Variants in FAM153A observed in about 807,000 individuals in gnomAD.
The protein encoded by FAM153A is family with sequence similarity 153 member A, also known as protein FAM153A.
FAM153A carries 12 observed loss-of-function variants against 48.1 expected under a neutral mutation model. The observed-to-expected ratio is 0.25, with a 90% confidence interval of 0.16 to 0.40. The LOEUF (loss-of-function observed/expected upper bound fraction) is 0.40. Ranked by LOEUF, FAM153A falls within the 10% of genes least tolerant of loss-of-function variation. FAM153A has a pLI of 1.00. For synonymous variants in FAM153A, 36 were observed against 118.2 expected, an observed-to-expected ratio of 0.30 and a Z score of 4.51; for missense variants, 111 against 345.8, an observed-to-expected ratio of 0.32 and a Z score of 5.38.
chr5:177,708,515 T>G (rs932087830), downstream of FAM153A, among the ~76,000 whole-genome samples: 1 of 151,668 alleles, frequency 6.6e-6, no homozygotes, highest in African/African-American at 2.4e-5. Context: ...AGGCGGAGGT[T>G]GCGGTGAGCA....
downstream of FAM153A, among the ~76,000 whole-genome samples, chr5:177,717,475 G>A (rs556783021): frequency 1.2e-3 from 179 of 150,428 alleles, 1 homozygote; most frequent in African/African-American, 1.8e-3. Flanking sequence ...AAGAGGCTTC[G>A]GCAATGATGC....
In FAM153A at chr5:177,739,149, G is replaced by A. The variant is rs1289703050; in HGVS notation, c.538-12C>T. The A allele has an allele frequency of 1.2e-6, 2 of 1,612,470 alleles. No individual in the cohort carries two copies. The highest frequency in any genetic ancestry group is 8.5e-7 in the Non-Finnish European group (1 of 1,179,930). On this transcript the variant is annotated splice_polypyrimidine_tract_variant and intron_variant, in intron 9 of 20. Coordinates refer to ENST00000614127, the Ensembl canonical transcript of FAM153A. ...GTGCCTGCGTCTGCCTGCGTTTAGA[G>A]AAAGAAAAACACCATGAGGGTAAGA...
downstream of FAM153A, among the ~76,000 whole-genome samples, chr5:177,707,520 C>G (rs959528687): frequency 1.3e-5 from 2 of 151,732 alleles, no homozygotes; most frequent in African/African-American, 2.4e-5. Context: ...TTCAAAGATA[C>G]AATGAAAGAA....
intron 10 of FAM153A, among the ~76,000 whole-genome samples, chr5:177,737,671 T>A (rs1764891557): frequency 1.3e-5 from 2 of 151,358 alleles, no homozygotes; most frequent in South Asian, 4.2e-4. Flanking sequence ...TAGGCATGCA[T>A]CACCATGCCC....
downstream of FAM153A, among the ~76,000 whole-genome samples, chr5:177,704,561 A>T (rs1288150118): frequency 4.2e-4 from 55 of 131,052 alleles, no homozygotes; most frequent in East Asian, 2.3e-3. Context: ...AGGTGATTGG[A>T]CCATGGAGGC....
At chr5:177,737,373 C>T (rs1479277530) in intron 10 of FAM153A, among the ~76,000 whole-genome samples, 1 of 151,352 alleles carries the variant, frequency 6.6e-6, no homozygotes, top group Non-Finnish European at 1.5e-5. Flanking sequence ...ACAGGGCACA[C>T]CACACAGTGT....
rs1215788006 is a variant in FAM153A at position 177,759,274 on chromosome 5, T to G, written c.-56-10575A>C. On this transcript the variant is annotated intron_variant, in intron 1 of 8. Coordinates refer to the FAM153A transcript ENST00000393518. Reference sequence around the variant, plus strand: ...AAATCAAAACCACAATGACATACCATCTCACACCAGTTAGAATGGTGATCT... The same window carrying G: ...AAATCAAAACCACAATGACATACCAGCTCACACCAGTTAGAATGGTGATCT... Among the ~76,000 whole-genome samples, 4 of 151,798 alleles carry G rather than the reference T, an allele frequency of 2.6e-5. No homozygotes were observed. In the East Asian group the frequency reaches 7.7e-4, roughly 29 times the overall value.
intron 10 of FAM153A, 78 bp downstream of exon 12, chr5:177,739,035 A>C: frequency 7.9e-7 from 1 of 1,270,326 alleles, no homozygotes; most frequent in East Asian, 2.4e-5. Flanking sequence ...GGTTCTCCAG[A>C]AAACGCAGGC....
chr5:177,764,291 T>G (rs1768546483), intron 1 of FAM153A, among the ~76,000 whole-genome samples: 1 of 151,418 alleles, frequency 6.6e-6, no homozygotes, highest in East Asian at 1.9e-4. Context: ...CGAATGGCTC[T>G]TGACACCTAA....
chr5:177,713,492 C>T (rs1482136078), intron 26 of FAM153A, among the ~76,000 whole-genome samples: 1 of 151,454 alleles, frequency 6.6e-6, no homozygotes, highest in African/African-American at 2.4e-5. Context: ...CTCCTGACCT[C>T]GTGATCCGCC....
At chr5:177,746,861 G>C (rs535555331) in intron 4 of FAM153A, among the ~76,000 whole-genome samples, 1 of 150,374 alleles carries the variant, frequency 6.7e-6, no homozygotes, top group Non-Finnish European at 1.5e-5. Context: ...GGGTATGTGT[G>C]CTACTGAATT....
chr5:177,703,393 A>C (rs1363984164), downstream of FAM153A, among the ~76,000 whole-genome samples: 2 of 151,684 alleles, frequency 1.3e-5, no homozygotes, highest in Non-Finnish European at 2.9e-5. Flanking sequence ...CTATACCTCA[A>C]TTGTATCTTG....
chr5:177,760,014 T>A (rs1768159019), intron 1 of FAM153A, among the ~76,000 whole-genome samples: 1 of 147,530 alleles, frequency 6.8e-6, no homozygotes, highest in African/African-American at 2.6e-5. Context: ...ATGTTGCATT[T>A]TTTTTCAGGA....
chr5:177,753,199 C>T lies in FAM153A; in HGVS notation c.8G>A (p.Cys3Tyr), dbSNP rs558178335. 9.7e-5 allele frequency: 157 copies of T among 1,610,874 alleles called. 3 individuals carry two copies. In the African/African-American group the frequency reaches 1.6e-3, roughly 17 times the overall value. The change falls in exon 1 of 21, where the codon TGT becomes TAT. Residue 3 changes from cysteine to tyrosine, a missense_variant. Cys to Tyr is a radical substitution (Grantham distance 194). This residue lies in a region of FAM153A where 13 missense variants were observed against 16.0 expected (regional missense o/e 0.81). Coordinates refer to ENST00000614127, the Ensembl canonical transcript of FAM153A. The stretch of plus-strand genomic sequence containing the variant: ...ACCTTCAAGGCAACAACTATAAACA[C>T]ATCCCATTGTGAGTCCTCTGAGACA...
chr5:177,706,490 C>T (rs1190247850), downstream of FAM153A, among the ~76,000 whole-genome samples: 2 of 151,966 alleles, frequency 1.3e-5, no homozygotes, highest in Non-Finnish European at 2.9e-5. Context: ...TGAGCCACTG[C>T]GCCCAGCCAA....
chr5:177,703,309 G>C (rs1282183062), downstream of FAM153A, among the ~76,000 whole-genome samples: 1 of 152,008 alleles, frequency 6.6e-6, no homozygotes, highest in African/African-American at 2.4e-5. Flanking sequence ...CTGGGTTTCA[G>C]ACTTGCATGG....
At chr5:177,761,037 T>G (rs1768264029) in intron 1 of FAM153A, among the ~76,000 whole-genome samples, 1 of 151,786 alleles carries the variant, frequency 6.6e-6, no homozygotes, top group Admixed American at 6.6e-5. Flanking sequence ...AGAGAAGTCT[T>G]ATGAAGCGGG....
At chr5:177,746,166 CTG>C (rs1765956902) in intron 4 of FAM153A, among the ~76,000 whole-genome samples, 1 of 151,428 alleles carries the variant, frequency 6.6e-6, no homozygotes, top group African/African-American at 2.5e-5. Context: ...CATCCGAGGA[CTG>C]GGGATATTAA....
intron 24 of FAM153A, among the ~76,000 whole-genome samples, chr5:177,716,908 C>G (rs1161047848): frequency 6.6e-6 from 1 of 151,362 alleles, no homozygotes; most frequent in Admixed American, 6.6e-5. Flanking sequence ...AAATGATCCT[C>G]CAACCTCAGC....
Sources: gnomAD v4.1 joint callset for allele counts (sites outside exome capture counted in the v4.1 genomes callset) on GRCh38, gnomAD v4.1.1 for gene constraint, gnomAD v4.1.1 regional missense constraint, MANE v1.5 for transcripts, NCBI Gene and HGNC (gene_info 2026-07-23, HGNC 2026-07-21) for gene names.